Variants in UPP2 observed in about 807,000 individuals in gnomAD.
The protein encoded by UPP2 is uridine phosphorylase 2.
A neutral mutation model predicts 26.7 loss-of-function variants in UPP2; 23 were observed. That is an observed-to-expected ratio of 0.86 (90% CI 0.62 to 1.22). UPP2 has a LOEUF of 1.22. Among genes scored for constraint, UPP2 ranks in the 50% most tolerant of loss-of-function variants. The pLI is 0.00. For missense variants in UPP2, 387 were observed against 396.7 expected, an observed-to-expected ratio of 0.98 and a Z score of 0.21; for synonymous variants, 127 against 141.3, an observed-to-expected ratio of 0.90 and a Z score of 0.72.
At chr2:158,071,801 A>G (rs537921921) in intron 3 of UPP2, among the ~76,000 whole-genome samples, 1 of 152,242 alleles carries the variant, frequency 6.6e-6, no homozygotes, top group South Asian at 2.1e-4. Flanking sequence ...AGAGCCCTTC[A>G]GCCCCAAATA....
chr2:158,128,427 T>A (rs1419873748), intron 6 of UPP2, among the ~76,000 whole-genome samples: 1 of 152,188 alleles, frequency 6.6e-6, no homozygotes, highest in Non-Finnish European at 1.5e-5. Flanking sequence ...TATAATCAGT[T>A]TGGAGCTAGA....
chr2:158,069,692 C>G (rs75883428), intron 3 of UPP2, among the ~76,000 whole-genome samples: 1 of 152,212 alleles, frequency 6.6e-6, no homozygotes. Context: ...GTTCCACTGG[C>G]ATGGCACCTC....
intron 2 of UPP2, among the ~76,000 whole-genome samples, chr2:158,110,925 T>C (rs1483228539): frequency 3.3e-5 from 5 of 152,182 alleles, no homozygotes; most frequent in African/African-American, 4.8e-5. Flanking sequence ...GTCAGATAAG[T>C]AGATTGCAAA....
chr2:158,097,699 T>G (rs568434151), upstream of UPP2, among the ~76,000 whole-genome samples: 4 of 152,290 alleles, frequency 2.6e-5, no homozygotes, highest in African/African-American at 9.6e-5. Flanking sequence ...GGAAGGTATC[T>G]GTGCAAACAT....
rs143116380 is a variant in UPP2 at position 158,111,280 on chromosome 2, T to A, written c.181-3821T>A. Reference sequence around the variant, plus strand: ...TGCTTTATTTTTTAAGCTCTGTTTTTAGTTTTTATACACTTTGAATGTTAT... The same window carrying A: ...TGCTTTATTTTTTAAGCTCTGTTTTAAGTTTTTATACACTTTGAATGTTAT... On this transcript the variant is annotated intron_variant, in intron 2 of 6. Coordinates refer to ENST00000005756, the MANE Select transcript of UPP2 (RefSeq NM_173355.4). Among the ~76,000 whole-genome samples the A allele has an allele frequency of 2.3e-3, 350 of 152,308 alleles. 1 individual carries two copies. Among genetic ancestry groups the A allele is most frequent in the African/African-American group, 8.3e-3 (344 of 41,578 alleles).
At chr2:158,010,392 C>T (rs1683556711) in intron 2 of UPP2, among the ~76,000 whole-genome samples, 1 of 152,106 alleles carries the variant, frequency 6.6e-6, no homozygotes. Context: ...TTTAAATATC[C>T]TATCCTGGAT....
intron 2 of UPP2, among the ~76,000 whole-genome samples, 196 bp downstream of exon 2, chr2:158,106,412 C>T (rs539055793): frequency 3.0e-4 from 45 of 152,156 alleles, no homozygotes; most frequent in African/African-American, 1.1e-3. Context: ...ATAAAGGTTC[C>T]CAAACTAAAT....
At chr2:158,003,429 T>C (rs1683440037) in intron 2 of UPP2, among the ~76,000 whole-genome samples, 1 of 152,078 alleles carries the variant, frequency 6.6e-6, no homozygotes. Flanking sequence ...GAGAGCCAGC[T>C]GGGCAGGGTG....
chr2:158,090,253 A>G (rs1483384183), intron 3 of UPP2, among the ~76,000 whole-genome samples: 1 of 152,208 alleles, frequency 6.6e-6, no homozygotes, highest in Non-Finnish European at 1.5e-5. Context: ...CTGTAATCCC[A>G]GCACTTTGGG....
At chr2:158,109,010 G>A (rs1482345693) in intron 2 of UPP2, among the ~76,000 whole-genome samples, 1 of 151,464 alleles carries the variant, frequency 6.6e-6, no homozygotes, top group Non-Finnish European at 1.5e-5. Context: ...ATTTTTTCAA[G>A]GCAGCGTGTA....
At chr2:158,030,104 C>T (rs184612970) in intron 3 of UPP2, among the ~76,000 whole-genome samples, 3 of 152,184 alleles carry the variant, frequency 2.0e-5, no homozygotes, top group East Asian at 1.9e-4. Context: ...TCATCTCACA[C>T]GATTTCAAAA....
At chr2:158,009,338 C>G (rs549692965) in intron 2 of UPP2, among the ~76,000 whole-genome samples, 18 of 152,252 alleles carry the variant, frequency 1.2e-4, no homozygotes, top group Non-Finnish European at 1.9e-4. Flanking sequence ...AGCAGATTTG[C>G]TTAAATGTCG....
At chr2:157,999,490 T>C (rs1209068812) in intron 2 of UPP2, among the ~76,000 whole-genome samples, 1 of 152,194 alleles carries the variant, frequency 6.6e-6, no homozygotes, top group Non-Finnish European at 1.5e-5. Context: ...TTTGGGTCTC[T>C]TTTATGTCAT....
intron 3 of UPP2, among the ~76,000 whole-genome samples, chr2:158,061,902 G>A (rs552674926): frequency 6.6e-6 from 1 of 152,336 alleles, no homozygotes; most frequent in African/African-American, 2.4e-5. Context: ...AGTGGCTTCT[G>A]TCCCTTTACT....
At chr2:158,012,263 C>T (rs1483837103) in intron 2 of UPP2, among the ~76,000 whole-genome samples, 3 of 81,634 alleles carry the variant, frequency 3.7e-5, no homozygotes, top group African/African-American at 8.3e-5. Flanking sequence ...TTGTTTCTAC[C>T]TTTTTTTTTT....
At position 158,121,479 on chromosome 2, in the gene UPP2, G is replaced by C; in HGVS notation, c.525G>C (p.Gln175His). The C allele has an allele frequency of 6.2e-7, 1 of 1,613,470 alleles. No individual in the cohort carries two copies. The highest frequency in any genetic ancestry group is 8.5e-7 in the Non-Finnish European group (1 of 1,179,496). The change falls in exon 5 of 7, where the codon CAG becomes CAC. Residue 175 changes from glutamine to histidine, a missense_variant. Coordinates refer to ENST00000005756, the MANE Select transcript of UPP2 (RefSeq NM_173355.4). ...VDSFFKPRFE[Q>H]VILDNIVTRS... ...CCTTCTTTAAGCCCCGGTTTGAACA[G>C]GTCATTTTGGACAACATTGTCACCC... is the stretch of plus-strand genomic sequence containing the variant.
intron 6 of UPP2, chr2:158,133,613 T>C (rs112703544): frequency 2.0e-5 from 3 of 152,326 alleles, no homozygotes; most frequent in Non-Finnish European, 2.9e-5. Flanking sequence ...AAACATCACA[T>C]TGTACCTCAT....
chr2:158,079,298 T>TA (rs1682681732), intron 3 of UPP2, among the ~76,000 whole-genome samples: 2 of 152,070 alleles, frequency 1.3e-5, no homozygotes, highest in South Asian at 4.2e-4. Context: ...TAATTTTTTT[T>TA]AAAAAAAGGA....
At chr2:158,026,029 C>T (rs1236271543) in intron 3 of UPP2, among the ~76,000 whole-genome samples, 2 of 152,106 alleles carry the variant, frequency 1.3e-5, no homozygotes, top group African/African-American at 4.8e-5. Flanking sequence ...TGATGAAGTA[C>T]AGCAGCCTCC....
Sources: gnomAD v4.1 joint callset for allele counts (sites outside exome capture counted in the v4.1 genomes callset) on GRCh38, gnomAD v4.1.1 for gene constraint, MANE v1.5 for transcripts, NCBI Gene and HGNC (gene_info 2026-07-23, HGNC 2026-07-21) for gene names.